Variants in PKNOX2 observed in about 807,000 individuals in gnomAD.
The protein encoded by PKNOX2 is PBX/knotted 1 homeobox 2.
PKNOX2 carries 14 observed loss-of-function variants against 53.1 expected under a neutral mutation model. The ratio of observed to expected loss-of-function variants is 0.26; its 90% CI spans 0.17 to 0.41. The LOEUF (loss-of-function observed/expected upper bound fraction) is 0.41. Among genes scored for constraint, PKNOX2 ranks in the 10% least tolerant of loss-of-function variants. PKNOX2 has a pLI of 1.00. For missense variants in PKNOX2, 496 were observed against 602.8 expected (o/e 0.82, Z 1.85); for synonymous variants, 257 against 242.8 (o/e 1.06, Z -0.54).
intron 7 of PKNOX2, among the ~76,000 whole-genome samples, chr11:125,399,000 C>T (rs1954577235): frequency 6.6e-6 from 1 of 152,218 alleles, no homozygotes; most frequent in African/African-American, 2.4e-5. Flanking sequence ...TGTCCCTAGA[C>T]CCCTAAGGAA....
chr11:125,324,778 C>T (rs1372145138), intron 2 of PKNOX2, among the ~76,000 whole-genome samples: 1 of 152,168 alleles, frequency 6.6e-6, no homozygotes, highest in African/African-American at 2.4e-5. Context: ...CCAAGATGCA[C>T]TTACCTTCAC....
At chr11:125,387,535 C>T (rs1953728766) in intron 6 of PKNOX2, among the ~76,000 whole-genome samples, 1 of 152,134 alleles carries the variant, frequency 6.6e-6, no homozygotes, top group Non-Finnish European at 1.5e-5. Flanking sequence ...TCCTGGCCAA[C>T]ATGAGGTAGG....
At position 125,271,719 on chromosome 11, in the gene PKNOX2, GAA is replaced by G. The variant is rs112128127; in HGVS notation, c.-130+36615_-130+36616del. Among the ~76,000 whole-genome samples the G allele has an allele frequency of 5.7e-4, 83 of 144,362 alleles. 2 individuals are homozygous for G. Among genetic ancestry groups the G allele is most frequent in the African/African-American group, 1.9e-3 (76 of 39,688 alleles). 94.7% of individuals were successfully genotyped at this position (144,362 alleles called of 152,430 possible). A position where few individuals can be genotyped will look rare whatever the true frequency, so the allele number is the denominator to read the frequency against. On this transcript the variant is annotated intron_variant, in intron 2 of 12. Coordinates refer to ENST00000298282, the MANE Select transcript of PKNOX2 (RefSeq NM_001382323.2). ...AGCAGCAAATTGATGACTTTGTCAA[GAA>G]AAAAAAAAAATCCCCCAGGGTCCAT...
intron 5 of PKNOX2, among the ~76,000 whole-genome samples, chr11:125,383,969 C>T (rs920893037): frequency 2.0e-5 from 3 of 152,108 alleles, no homozygotes; most frequent in Admixed American, 2.0e-4. Flanking sequence ...AAAACAAAAA[C>T]CTACATTGCA....
At position 125,431,680 on chromosome 11, in the gene PKNOX2, A is replaced by C; in HGVS notation, c.*288A>C. 2.3e-6 allele frequency: 1 copy of C among 443,828 alleles called. No homozygotes were observed. Among genetic ancestry groups the C allele is most frequent in the Non-Finnish European group, 4.1e-6 (1 of 243,278 alleles). 27.5% of individuals were successfully genotyped at this position (443,828 alleles called of 1,614,324 possible). ...CAGGAGTGAGATCTGGACTCACCAA[A>C]TCCCTGAGGATAGATGGCACCCATG... On this transcript the variant is annotated 3_prime_UTR_variant, in exon 13 of 13. Coordinates refer to ENST00000298282, the MANE Select transcript of PKNOX2 (RefSeq NM_001382323.2).
chr11:125,390,524 T>C (rs1312396273), intron 6 of PKNOX2, among the ~76,000 whole-genome samples: 1 of 152,230 alleles, frequency 6.6e-6, no homozygotes, highest in East Asian at 1.9e-4. Context: ...AGCTTAGAGA[T>C]TATGTAAATT....
At chr11:125,355,291 A>C (rs1251167242) in intron 4 of PKNOX2, among the ~76,000 whole-genome samples, 4 of 151,500 alleles carry the variant, frequency 2.6e-5, no homozygotes, top group Admixed American at 6.6e-5. Flanking sequence ...AAAAAAAAAA[A>C]AAGAAAGAAA....
chr11:125,411,879 T>C lies in PKNOX2; in HGVS notation c.936+14T>C. The C allele has an allele frequency of 6.2e-7, 1 of 1,613,968 alleles. No homozygotes were observed. The highest frequency in any genetic ancestry group is 8.5e-7 in the Non-Finnish European group (1 of 1,179,886). On this transcript the variant is annotated intron_variant, in intron 10 of 12. Transcript: ENST00000298282. ...CAGCATCTCATGGTGAGTGTGTGTGTCTTGGGGGTGTGGAGTCCCGGCATG... is the reference window on the plus strand; with the variant it reads ...CAGCATCTCATGGTGAGTGTGTGTGCCTTGGGGGTGTGGAGTCCCGGCATG...
In PKNOX2 at chr11:125,401,488, G is replaced by A. The variant is rs557473540; in HGVS notation, c.588+3426G>A. ...TTGCTCAGGCTTCAGGGGTAAATACGGTAATTACACATAGGCTATGGCAGG... is the reference window on the plus strand; with the variant it reads ...TTGCTCAGGCTTCAGGGGTAAATACAGTAATTACACATAGGCTATGGCAGG... On this transcript the variant is annotated intron_variant, in intron 7 of 12. Transcript: ENST00000298282. 8.5e-5 allele frequency among the ~76,000 whole-genome samples: 13 copies of A among 152,286 alleles called. No homozygotes were observed. The East Asian group carries it at 1.9e-3, about 23-fold the overall frequency.
chr11:125,326,705 C>T (rs189735574), intron 2 of PKNOX2, among the ~76,000 whole-genome samples: 1 of 152,326 alleles, frequency 6.6e-6, no homozygotes, highest in African/African-American at 2.4e-5. Flanking sequence ...GATCAAGCAT[C>T]ATCAGGGAAT....
At chr11:125,339,652 C>G (rs2136146239) in intron 3 of PKNOX2, among the ~76,000 whole-genome samples, 1 of 152,326 alleles carries the variant, frequency 6.6e-6, no homozygotes, top group African/African-American at 2.4e-5. Context: ...GCCCCTCAGT[C>G]CAGTATGACA....
intron 10 of PKNOX2, among the ~76,000 whole-genome samples, chr11:125,423,761 A>G (rs1179386911): frequency 6.6e-6 from 1 of 152,190 alleles, no homozygotes; most frequent in East Asian, 1.9e-4. Context: ...GGGGCATCTG[A>G]GAGGGCTTCA....
rs984387376 is a variant in PKNOX2 at position 125,185,227 on chromosome 11, A to C, written c.-201+20451A>C. Among the ~76,000 whole-genome samples the C allele has an allele frequency of 5.3e-5, 8 of 152,156 alleles. 1 individual carries two copies. The highest frequency in any genetic ancestry group is 1.9e-4 in the African/African-American group (8 of 41,436). ...CGAGGCTGTTGCAAAACCTGTGTACATTTACAGTTACTGAGTTTGAGCTTG... is the reference window on the plus strand; with the variant it reads ...CGAGGCTGTTGCAAAACCTGTGTACCTTTACAGTTACTGAGTTTGAGCTTG... On this transcript the variant is annotated intron_variant, in intron 1 of 12. Transcript: ENST00000298282.
chr11:125,398,310 TG>T (rs1954536845), intron 7 of PKNOX2, among the ~76,000 whole-genome samples: 1 of 152,202 alleles, frequency 6.6e-6, no homozygotes. Flanking sequence ...AGAGGGACAA[TG>T]TCCAAAATCA....
chr11:125,207,649 G>C (rs1020979318), intron 1 of PKNOX2, among the ~76,000 whole-genome samples: 2 of 152,102 alleles, frequency 1.3e-5, no homozygotes, highest in African/African-American at 4.8e-5. Context: ...AAGAATAAGA[G>C]AGTATTCCTT....
intron 7 of PKNOX2, among the ~76,000 whole-genome samples, chr11:125,403,145 G>A (rs776651513): frequency 6.6e-6 from 1 of 152,108 alleles, no homozygotes; most frequent in Non-Finnish European, 1.5e-5. Context: ...ATTCATTCAC[G>A]CATCCTGCAT....
intron 6 of PKNOX2, among the ~76,000 whole-genome samples, chr11:125,389,028 C>G (rs1195736652): frequency 1.3e-5 from 2 of 152,216 alleles, no homozygotes; most frequent in East Asian, 3.9e-4. Flanking sequence ...AACCTCGTCT[C>G]TACTAAAGAT....
intron 2 of PKNOX2, among the ~76,000 whole-genome samples, chr11:125,306,344 C>G (rs1457728921): frequency 6.6e-6 from 1 of 152,222 alleles, no homozygotes; most frequent in Non-Finnish European, 1.5e-5. Flanking sequence ...GGCAGCCCCC[C>G]ACCCCCCAGG....
rs1565462274 is a variant in PKNOX2 at position 125,178,580 on chromosome 11, AGGAAGGAAGGAAGGAAG to A, written c.-201+13806_-201+13822del. 4.4e-3 allele frequency among the ~76,000 whole-genome samples: 149 copies of A among 34,232 alleles called. 3 individuals are homozygous for A. The highest frequency in any genetic ancestry group is 0.019 in the African/African-American group (88 of 4,560). 22.5% of individuals were successfully genotyped at this position (34,232 alleles called of 152,430 possible). A position where few individuals can be genotyped will look rare whatever the true frequency, so the allele number is the denominator to read the frequency against. ...AAGGAAGGAACGAAGGAAGGAAGGA[AGGAAGGAAGGAAGGAAG>A]GAAGGAAGGAAGGAAAGAAAGAAAG... On this transcript the variant is annotated intron_variant, in intron 1 of 12. Coordinates refer to ENST00000298282, the MANE Select transcript of PKNOX2 (RefSeq NM_001382323.2).
Sources: gnomAD v4.1 joint callset for allele counts (sites outside exome capture counted in the v4.1 genomes callset) on GRCh38, gnomAD v4.1.1 for gene constraint, MANE v1.5 for transcripts, NCBI Gene and HGNC (gene_info 2026-07-23, HGNC 2026-07-21) for gene names.